LRRC37A2: variants seen among roughly 807,000 people sequenced by gnomAD.
LRRC37A2 encodes the protein leucine-rich repeat-containing protein 37A2.
A neutral mutation model predicts 68.8 loss-of-function variants in LRRC37A2; 9 were observed. That is an observed-to-expected ratio of 0.13 (90% CI 0.08 to 0.23). The LOEUF (loss-of-function observed/expected upper bound fraction) is 0.23. LRRC37A2 is among the 10% of genes least tolerant of loss of function. The pLI is 1.00. For synonymous variants in LRRC37A2, 63 were observed against 367.6 expected (o/e 0.17, Z 9.48); for missense variants, 168 against 950.4 (o/e 0.18, Z 10.82).
At chr17:46,756,121 C>T in the LRRC37A2 span, 1 of 315,274 alleles carries the variant, frequency 3.2e-6, no homozygotes, top group Non-Finnish European at 5.9e-6. Flanking sequence ...TACTTGTGGA[C>T]ACTACACGTT....
the LRRC37A2 span, among the ~76,000 whole-genome samples, chr17:46,868,688 G>A: frequency 2.4e-4 from 36 of 152,306 alleles, no homozygotes; most frequent in South Asian, 7.5e-3. Flanking sequence ...AATTTCTCCA[G>A]TTGTCCATCT....
the LRRC37A2 span, chr17:46,932,094 C>T: frequency 2.4e-5 from 39 of 1,613,268 alleles, no homozygotes; most frequent in South Asian, 3.5e-4. Flanking sequence ...AGTATGATGT[C>T]CAGCACCTGC....
chr17:46,776,329 A>G, the LRRC37A2 span, among the ~76,000 whole-genome samples: 1 of 152,226 alleles, frequency 6.6e-6, no homozygotes, highest in African/African-American at 2.4e-5. Context: ...CGCACACAGC[A>G]CTGCCCCTGC....
At chr17:46,488,487 A>G in the LRRC37A2 span, among the ~76,000 whole-genome samples, 1 of 68,736 alleles carries the variant, frequency 1.5e-5, no homozygotes, top group South Asian at 6.3e-4. Flanking sequence ...CGGGCGGATC[A>G]CGAGGTCAGG....
chr17:46,751,873 AC>A, the LRRC37A2 span, among the ~76,000 whole-genome samples: 2 of 152,226 alleles, frequency 1.3e-5, no homozygotes, highest in African/African-American at 2.4e-5. Flanking sequence ...AGGTCTTAGA[AC>A]TAGAAAAGAC....
chr17:46,703,696 A>AC, the LRRC37A2 span, among the ~76,000 whole-genome samples: 1 of 151,434 alleles, frequency 6.6e-6, no homozygotes, highest in African/African-American at 2.4e-5. Context: ...AAAAAAAAAA[A>AC]AAAAAAAACA....
chr17:47,016,317 T>G, the LRRC37A2 span, among the ~76,000 whole-genome samples: 4 of 150,196 alleles, frequency 2.7e-5, 1 homozygote, highest in African/African-American at 1.0e-4. Flanking sequence ...AAGCACCTTC[T>G]TGGAGTTTAC....
chr17:47,022,016 T>C, the LRRC37A2 span: 4 of 1,160,188 alleles, frequency 3.4e-6, no homozygotes, highest in Non-Finnish European at 5.1e-6. Flanking sequence ...TGAGGAAAGA[T>C]ATTTCTCCTC....
chr17:46,845,124 C>G, the LRRC37A2 span, among the ~76,000 whole-genome samples: 5 of 152,230 alleles, frequency 3.3e-5, no homozygotes, highest in Non-Finnish European at 7.3e-5. Flanking sequence ...GCTTGGATTA[C>G]AGGCGTAAGC....
chr17:47,028,204 A>T, the LRRC37A2 span: 2 of 1,007,206 alleles, frequency 2.0e-6, no homozygotes, highest in Non-Finnish European at 3.1e-6. Flanking sequence ...TCCTGTATAA[A>T]TTAGAATCAT....
the LRRC37A2 span, among the ~76,000 whole-genome samples, chr17:46,803,561 T>C: frequency 1.5e-3 from 229 of 152,316 alleles, no homozygotes; most frequent in Non-Finnish European, 1.7e-3. Flanking sequence ...ACAATCATTC[T>C]ATCCTCCTAT....
At chr17:46,773,590 G>T in the LRRC37A2 span, 2 of 1,447,272 alleles carry the variant, frequency 1.4e-6, no homozygotes, top group South Asian at 1.4e-5. Flanking sequence ...GAGGCACCCT[G>T]ACTGGGGTGG....
At chr17:46,914,399 G>A in the LRRC37A2 span, among the ~76,000 whole-genome samples, 44 of 151,718 alleles carry the variant, frequency 2.9e-4, no homozygotes, top group Non-Finnish European at 5.3e-4. Flanking sequence ...CTGTAATCCC[G>A]GCACTTTGGG....
At chr17:46,761,225 C>T in the LRRC37A2 span, among the ~76,000 whole-genome samples, 1 of 152,152 alleles carries the variant, frequency 6.6e-6, no homozygotes, top group African/African-American at 2.4e-5. Context: ...AGTGCATCAA[C>T]TTCTGGTGGC....
At chr17:47,010,595 T>C in the LRRC37A2 span, 2 of 152,248 alleles carry the variant, frequency 1.3e-5, no homozygotes, top group Non-Finnish European at 2.9e-5. Flanking sequence ...TCCAGAAGGC[T>C]GGGGTGGTCC....
chr17:46,858,303 G>T, the LRRC37A2 span, among the ~76,000 whole-genome samples: 1 of 151,980 alleles, frequency 6.6e-6, no homozygotes, highest in African/African-American at 2.4e-5. Context: ...GTGACTTGCC[G>T]TTTCATTTTC....
the LRRC37A2 span, among the ~76,000 whole-genome samples, chr17:46,766,700 C>T: frequency 2.0e-5 from 3 of 152,174 alleles, no homozygotes; most frequent in Non-Finnish European, 4.4e-5. Context: ...TCAAGTACCT[C>T]CCATATCTCA....
At chr17:46,840,752 GTGA>G in the LRRC37A2 span, among the ~76,000 whole-genome samples, 29 of 152,320 alleles carry the variant, frequency 1.9e-4, no homozygotes, top group African/African-American at 7.0e-4. Context: ...CTGATGACCA[GTGA>G]TGATGAGCAT....
the LRRC37A2 span, chr17:46,932,672 G>GT: frequency 2.8e-3 from 658 of 238,386 alleles, 2 homozygotes; most frequent in African/African-American, 0.014. Context: ...GGAGGAATTT[G>GT]TTAACAGATG....
Sources: gnomAD v4.1 joint callset for allele counts (sites outside exome capture counted in the v4.1 genomes callset) on GRCh38, gnomAD v4.1.1 for gene constraint, MANE v1.5 for transcripts, NCBI Gene and HGNC (gene_info 2026-07-23, HGNC 2026-07-21) for gene names.